The following PLCB1 variants were observed in gnomAD, a reference collection of about 807,000 sequenced individuals.
PLCB1 encodes the protein 1-phosphatidylinositol 4,5-bisphosphate phosphodiesterase beta-1.
Under a neutral mutation model 161.8 loss-of-function variants are expected in PLCB1, and 46 were observed. That is an observed-to-expected ratio of 0.28 (90% confidence interval 0.22 to 0.36). The LOEUF (loss-of-function observed/expected upper bound fraction) is 0.36. PLCB1 is among the 10% of genes least tolerant of loss of function. The pLI is 1.00. For synonymous variants in PLCB1, 517 were observed against 503.7 expected, an observed-to-expected ratio of 1.03 and a Z score of -0.35; for missense variants, 1,016 against 1,472.5, an observed-to-expected ratio of 0.69 and a Z score of 5.07.
intron 3 of PLCB1, among the ~76,000 whole-genome samples, chr20:8,517,647 G>A (rs6055875): frequency 0.2 from 30,398 of 152,052 alleles, 3,092 homozygotes; most frequent in Middle Eastern, 0.24. Flanking sequence ...TCCCCTGTAC[G>A]GCCTGTGTTC....
chr20:8,802,267 C>T, intron 31 of PLCB1: 1 of 650,304 alleles, frequency 1.5e-6, no homozygotes, highest in Non-Finnish European at 2.7e-6. Flanking sequence ...TGTCCTTCAT[C>T]CTCCCTTTCT....
At chr20:8,815,573 G>A (rs1022803127) in intron 31 of PLCB1, among the ~76,000 whole-genome samples, 3 of 147,776 alleles carry the variant, frequency 2.0e-5, no homozygotes, top group African/African-American at 5.4e-5. Context: ...TAGCCGACGT[G>A]GAAAGAGGCC....
intron 2 of PLCB1, among the ~76,000 whole-genome samples, chr20:8,176,940 A>T (rs998575785): frequency 1.3e-5 from 2 of 152,190 alleles, no homozygotes; most frequent in Non-Finnish European, 2.9e-5. Flanking sequence ...TACTTTATTA[A>T]GAGTTTTTCA....
intron 10 of PLCB1, among the ~76,000 whole-genome samples, chr20:8,693,160 T>A (rs1174422938): frequency 6.6e-6 from 1 of 152,208 alleles, no homozygotes; most frequent in African/African-American, 2.4e-5. Context: ...TCATATCACT[T>A]TCATATCCCC....
rs1986489639 is a variant in PLCB1 at position 8,841,138 on chromosome 20, A to G, written c.3424-40484A>G. ...TAGCTGTGAGCCACTGCACCCAGCC[A>G]TCAGCTTTTATTTCATATGCATGCA... On this transcript the variant is annotated intron_variant, in intron 31 of 31. Transcript: ENST00000338037. 2.6e-5 allele frequency among the ~76,000 whole-genome samples: 4 copies of G among 152,322 alleles called. No individual in the cohort carries two copies. In the South Asian group the frequency reaches 8.3e-4, roughly 32 times the overall value.
intron 2 of PLCB1, among the ~76,000 whole-genome samples, chr20:8,301,811 G>A (rs1423290938): frequency 1.3e-5 from 2 of 152,210 alleles, no homozygotes; most frequent in Non-Finnish European, 1.5e-5. Context: ...GAGTTTGCAC[G>A]GCAATATGCC....
intron 9 of PLCB1, among the ~76,000 whole-genome samples, chr20:8,682,192 G>A (rs1990238773): frequency 6.6e-6 from 1 of 152,184 alleles, no homozygotes; most frequent in South Asian, 2.1e-4. Flanking sequence ...GAGAAATAGA[G>A]ATTCTGGTGT....
intron 27 of PLCB1, among the ~76,000 whole-genome samples, chr20:8,777,144 T>C (rs1195009011): frequency 2.0e-5 from 3 of 152,086 alleles, no homozygotes; most frequent in Non-Finnish European, 2.9e-5. Flanking sequence ...GATGGGACTT[T>C]TGAGGTGGGA....
At chr20:8,760,569 TA>T in intron 25 of PLCB1, 109 bp downstream of exon 25, 1 of 684,582 alleles carries the variant, frequency 1.5e-6, no homozygotes, top group South Asian at 2.1e-5. Flanking sequence ...ACATCATTAA[TA>T]TTTCTTCTTC....
chr20:8,210,630 C>G (rs1461254668), intron 2 of PLCB1, among the ~76,000 whole-genome samples: 3 of 152,040 alleles, frequency 2.0e-5, no homozygotes, highest in African/African-American at 7.2e-5. Context: ...TTTCAGTACA[C>G]TTTTGCTCAT....
At chr20:8,797,860 C>T (rs1342761578) in intron 31 of PLCB1, among the ~76,000 whole-genome samples, 1 of 152,150 alleles carries the variant, frequency 6.6e-6, no homozygotes, top group Non-Finnish European at 1.5e-5. Flanking sequence ...TTCAGTTTGA[C>T]CCTGATCATT....
intron 3 of PLCB1, among the ~76,000 whole-genome samples, chr20:8,548,150 T>TTCTC (rs758757268): frequency 6.6e-6 from 1 of 151,376 alleles, no homozygotes; most frequent in African/African-American, 2.4e-5. Context: ...CCTTCTTTCT[T>TTCTC]TCTCTCTTTC....
At chr20:8,208,280 G>A (rs908236418) in intron 2 of PLCB1, among the ~76,000 whole-genome samples, 5 of 152,078 alleles carry the variant, frequency 3.3e-5, no homozygotes, top group Non-Finnish European at 7.3e-5. Context: ...TAACTGGATG[G>A]AGTGATTCTT....
intron 25 of PLCB1, among the ~76,000 whole-genome samples, chr20:8,760,854 G>C (rs1020158280): frequency 6.6e-6 from 1 of 152,214 alleles, no homozygotes; most frequent in South Asian, 2.1e-4. Context: ...TTTAAGAACT[G>C]TGATACAGTT....
chr20:8,321,000 A>T (rs533483330), intron 2 of PLCB1, among the ~76,000 whole-genome samples: 1 of 150,160 alleles, frequency 6.7e-6, no homozygotes, highest in Admixed American at 6.7e-5. Flanking sequence ...GAAGAAAGGG[A>T]AGTAAAACAG....
intron 31 of PLCB1, among the ~76,000 whole-genome samples, chr20:8,798,375 A>G (rs1421767684): frequency 6.6e-6 from 1 of 152,224 alleles, no homozygotes; most frequent in Non-Finnish European, 1.5e-5. Context: ...AAACAGAGCC[A>G]GTAAAAGATT....
intron 2 of PLCB1, among the ~76,000 whole-genome samples, chr20:8,319,215 A>T (rs1055347170): frequency 6.6e-6 from 1 of 152,190 alleles, no homozygotes; most frequent in African/African-American, 2.4e-5. Context: ...ATGTTGCATA[A>T]CTAATTACTC....
intron 2 of PLCB1, among the ~76,000 whole-genome samples, chr20:8,180,228 T>C (rs6039071): frequency 0.2 from 30,150 of 152,192 alleles, 3,374 homozygotes; most frequent in African/African-American, 0.31. Flanking sequence ...TTTTTGGTTT[T>C]AGTTCTATTT....
intron 2 of PLCB1, among the ~76,000 whole-genome samples, chr20:8,366,175 C>T (rs932462902): frequency 4.0e-5 from 6 of 151,880 alleles, no homozygotes; most frequent in Non-Finnish European, 7.4e-5. Context: ...ATACCCAATA[C>T]CTCAGTTTGT....
Sources: allele counts gnomAD v4.1 joint callset (sites outside exome capture counted in the v4.1 genomes callset), GRCh38; gene constraint gnomAD v4.1.1; transcripts MANE v1.5; gene names NCBI Gene and HGNC (gene_info 2026-07-23, HGNC 2026-07-21).